Variants in ANO1 observed in about 807,000 individuals in gnomAD.
ANO1 encodes anoctamin 1.
In ANO1, 59 loss-of-function variants were observed where a neutral mutation model predicts 124.0. The ratio of observed to expected loss-of-function variants is 0.48; its 90% CI spans 0.39 to 0.59. ANO1 has a LOEUF of 0.59. Among genes scored for constraint, ANO1 ranks in the 20% least tolerant of loss-of-function variants. The pLI, the probability that ANO1 is intolerant of heterozygous loss-of-function variation, is 0.00. For synonymous variants in ANO1, 529 were observed against 532.0 expected, an observed-to-expected ratio of 0.99 and a Z score of 0.08; for missense variants, 1,059 against 1,328.0, an observed-to-expected ratio of 0.80 and a Z score of 3.15.
At chr11:69,976,786 C>A in the ANO1 span, among the ~76,000 whole-genome samples, 2 of 152,184 alleles carry the variant, frequency 1.3e-5, no homozygotes. Flanking sequence ...AATGCAGAGC[C>A]CCTGCAGAGA....
At chr11:70,143,817 A>G (rs1355242186) in intron 11 of ANO1, among the ~76,000 whole-genome samples, 1 of 152,198 alleles carries the variant, frequency 6.6e-6, no homozygotes, top group Non-Finnish European at 1.5e-5. Context: ...TCATTCTATC[A>G]CTAGCTTTTT....
chr11:70,040,038 C>T (rs1178928098), intron 1 of ANO1, among the ~76,000 whole-genome samples: 1 of 152,102 alleles, frequency 6.6e-6, no homozygotes, highest in Non-Finnish European at 1.5e-5. Context: ...AATGTCGATC[C>T]TGGGTATTCT....
intron 6 of ANO1, among the ~76,000 whole-genome samples, chr11:70,110,182 T>C (rs979255316): frequency 7.8e-6 from 1 of 128,726 alleles, no homozygotes; most frequent in African/African-American, 2.8e-5. Flanking sequence ...TATGTTCACT[T>C]TCTTTTTTTT....
chr11:70,010,481 C>A (rs1306012045), intron 1 of ANO1, among the ~76,000 whole-genome samples: 1 of 151,870 alleles, frequency 6.6e-6, no homozygotes, highest in Non-Finnish European at 1.5e-5. Flanking sequence ...GGACACCTCC[C>A]ATTAGACCCC....
rs1045236833 is a variant in ANO1 at position 70,169,490 on chromosome 11, G to A, written c.2198-1397G>A. Among the ~76,000 whole-genome samples, 11 of 136,616 alleles carry A rather than the reference G, an allele frequency of 8.1e-5. No homozygotes were observed. In the South Asian group the frequency reaches 8.1e-4, roughly 10 times the overall value. The allele number at this position is 136,616 out of a possible 152,430, so 89.6% of individuals were successfully genotyped here. A position where few individuals can be genotyped will look rare whatever the true frequency, so the allele number is the denominator to read the frequency against. On this transcript the variant is annotated intron_variant, in intron 21 of 25. Coordinates refer to ENST00000355303, the MANE Select transcript of ANO1 (RefSeq NM_018043.7). Reference sequence around the variant, plus strand: ...CCTCCCAGGCCCCAGCCCTGGCAGCGCCTCCAGCTCCCTGGTCATACCCTT... The same window carrying A: ...CCTCCCAGGCCCCAGCCCTGGCAGCACCTCCAGCTCCCTGGTCATACCCTT...
At chr11:70,122,916 C>T (rs2046351040) in intron 8 of ANO1, among the ~76,000 whole-genome samples, 1 of 152,226 alleles carries the variant, frequency 6.6e-6, no homozygotes, top group South Asian at 2.1e-4. Context: ...GGTGTGGCTC[C>T]GCTTCATCAA....
At chr11:69,980,836 AAGGTCAAGAGATCG>A in the ANO1 span, among the ~76,000 whole-genome samples, 1 of 151,890 alleles carries the variant, frequency 6.6e-6, no homozygotes, top group Non-Finnish European at 1.5e-5. Context: ...GGCAGATCAC[AAGGTCAAGAGATCG>A]AGACCATCCT....
chr11:70,040,373 T>C (rs576050360), intron 1 of ANO1, among the ~76,000 whole-genome samples: 1 of 152,310 alleles, frequency 6.6e-6, no homozygotes, highest in Non-Finnish European at 1.5e-5. Flanking sequence ...GTATGCTGAC[T>C]TAGATCCTAA....
chr11:69,976,305 C>A, the ANO1 span, among the ~76,000 whole-genome samples: 7 of 151,840 alleles, frequency 4.6e-5, no homozygotes, highest in Non-Finnish European at 8.8e-5. Flanking sequence ...GTCAGGAGTT[C>A]GAGACCATCC....
chr11:70,086,497 C>T (rs950150821), intron 1 of ANO1, among the ~76,000 whole-genome samples: 1 of 152,198 alleles, frequency 6.6e-6, no homozygotes, highest in African/African-American at 2.4e-5. Context: ...CCCTTGGTCA[C>T]CCCAGGGCAC....
chr11:69,994,336 A>T (rs1400844257), intron 1 of ANO1, among the ~76,000 whole-genome samples: 1 of 152,108 alleles, frequency 6.6e-6, no homozygotes, highest in Non-Finnish European at 1.5e-5. Flanking sequence ...TGGTGTGTTC[A>T]TTCGCCTCTC....
intron 1 of ANO1, among the ~76,000 whole-genome samples, chr11:70,036,281 C>T (rs1591049127): frequency 6.6e-6 from 1 of 152,202 alleles, no homozygotes; most frequent in Non-Finnish European, 1.5e-5. Context: ...CTTTACCTGG[C>T]CTTTTCCTCT....
chr11:69,972,480 C>G, the ANO1 span, among the ~76,000 whole-genome samples: 3 of 152,130 alleles, frequency 2.0e-5, no homozygotes, highest in African/African-American at 7.2e-5. Context: ...GAGGGGTGTA[C>G]AGGCACGCAC....
At chr11:70,018,483 G>A (rs1173520081) in intron 1 of ANO1, 4 of 152,186 alleles carry the variant, frequency 2.6e-5, no homozygotes, top group African/African-American at 9.7e-5. Context: ...GAGGTGACAT[G>A]GCTCGCTTCT....
chr11:70,137,294 G>GAACTGAAGCCACATCTCTCTGA lies in ANO1; in HGVS notation c.1258+5216_1258+5237dup, dbSNP rs2046986658. The stretch of plus-strand genomic sequence containing the variant: ...AGTGAGGCTCCATTGGCACAGCCGG[G>GAACTGAAGCCACATCTCTCTGA]AACTGAAGCCACATCTCTCTGAGCC... On this transcript the variant is annotated intron_variant, in intron 11 of 25. Coordinates refer to ENST00000355303, the MANE Select transcript of ANO1 (RefSeq NM_018043.7). 1.4e-5 allele frequency among the ~76,000 whole-genome samples: 2 copies of GAACTGAAGCCACATCTCTCTGA among 145,760 alleles called. 1 individual carries two copies. Among genetic ancestry groups the GAACTGAAGCCACATCTCTCTGA allele is most frequent in the East Asian group, 4.1e-4 (2 of 4,872 alleles).
Position 70,149,797 on chromosome 11 carries a change from G to C in ANO1, c.1341+5G>C. The C allele has an allele frequency of 1.2e-6, 2 of 1,613,352 alleles. No homozygotes were observed. The highest frequency in any genetic ancestry group is 1.7e-6 in the Non-Finnish European group (2 of 1,179,668). On this transcript the variant is annotated splice_donor_5th_base_variant and intron_variant, in intron 12 of 25. Transcript: ENST00000355303. ...ACGGGCTTTGAAGAGGAAGAGGTCA[G>C]TGGGTTTGCCGCCGTGCATATCACG...
chr11:70,105,686 G>T (rs748625087), intron 4 of ANO1, 48 bp from the exon 5 acceptor site: 2 of 1,578,220 alleles, frequency 1.3e-6, no homozygotes, highest in South Asian at 2.2e-5. Flanking sequence ...CCAGAGAACT[G>T]CCAGCTCTGG....
intron 4 of ANO1, among the ~76,000 whole-genome samples, chr11:70,104,501 C>A (rs866763866): frequency 2.6e-5 from 4 of 152,170 alleles, no homozygotes; most frequent in African/African-American, 9.7e-5. Flanking sequence ...CCTCCTGCAG[C>A]CCAGGCAGCC....
intron 5 of ANO1, among the ~76,000 whole-genome samples, chr11:70,106,930 C>T (rs115640536): frequency 1.2e-4 from 19 of 152,256 alleles, no homozygotes; most frequent in African/African-American, 3.4e-4. Context: ...GGCCTGTGGG[C>T]GCTGGGGAGC....
Sources: allele counts gnomAD v4.1 joint callset (sites outside exome capture counted in the v4.1 genomes callset), GRCh38; gene constraint gnomAD v4.1.1; transcripts MANE v1.5; gene names NCBI Gene and HGNC (gene_info 2026-07-23, HGNC 2026-07-21).